Variants in DERL2 observed in about 807,000 individuals in gnomAD.
DERL2 encodes the protein derlin-2.
DERL2 carries 13 observed loss-of-function variants against 32.0 expected under a neutral mutation model. The observed-to-expected ratio is 0.41, with a 90% CI of 0.26 to 0.65. DERL2 has a LOEUF of 0.65. Among genes scored for constraint, DERL2 ranks in the 30% least tolerant of loss-of-function variants. DERL2 has a pLI of 0.35. For synonymous variants in DERL2, 111 were observed against 104.7 expected (o/e 1.06, Z -0.37); for missense variants, 208 against 296.3 (o/e 0.70, Z 2.19).
chr17:5,486,200 A>G (rs547041778), upstream of DERL2: 1,313 of 996,608 alleles, frequency 1.3e-3, 23 homozygotes, highest in South Asian at 0.026. Context: ...CACCCACCCC[A>G]TTTCCCCTTC....
At chr17:5,486,359 C>CA (rs2151714631), upstream of DERL2, 1 of 503,938 alleles carries the variant, frequency 2.0e-6, no homozygotes, top group East Asian at 3.5e-5. Flanking sequence ...CGCCACCGCC[C>CA]CCCCCCAGCG....
rs1567609436 is a variant in DERL2, at chr17:5,474,811, T to C, written c.615-22A>G. ...TTTCCTAAAAGACAAGCAACAGATA[T>C]AATTTGGTCCCAGAGTCATCTCAGG... On this transcript the variant is annotated intron_variant, in intron 6 of 6. Coordinates refer to ENST00000158771, the MANE Select transcript of DERL2 (RefSeq NM_016041.5). This position sits in a 1 kb window ranked among gnomAD's most constrained non-coding sequence, Gnocchi z 4.3. The C allele has an allele frequency of 1.2e-6, 2 of 1,601,342 alleles. No individual in the cohort carries two copies. Among genetic ancestry groups the C allele is most frequent in the Non-Finnish European group, 1.7e-6 (2 of 1,169,588 alleles).
Position 5,471,709 on chromosome 17 carries a change from C to G in DERL2, c.*2975G>C, listed in dbSNP as rs1480805056. ...CATACAAGATTCAACAATTTTATTG[C>G]AAACTCATAAAATATGTTTAAGTAG... On this transcript the variant is annotated 3_prime_UTR_variant, in exon 7 of 7. Coordinates refer to ENST00000158771, the MANE Select transcript of DERL2 (RefSeq NM_016041.5). 1 of 152,172 alleles carries G rather than the reference C, an allele frequency of 6.6e-6. No homozygotes were observed. Among genetic ancestry groups the G allele is most frequent in the African/African-American group, 2.4e-5 (1 of 41,430 alleles). 9.4% of individuals were successfully genotyped at this position (152,172 alleles called of 1,614,324 possible). A position where few individuals can be genotyped will look rare whatever the true frequency, so the allele number is the denominator to read the frequency against.
chr17:5,479,549 A>C (rs1047856204), intron 6 of DERL2, among the ~76,000 whole-genome samples: 3 of 150,332 alleles, frequency 2.0e-5, no homozygotes, highest in African/African-American at 7.3e-5. Context: ...TCAAAGTTCT[A>C]TCTCAGGAAA....
In DERL2 at chr17:5,480,721, C is replaced by CA. The variant is rs1905721117; in HGVS notation, c.328-140dup. 2.8e-5 allele frequency: 20 copies of CA among 713,632 alleles called. No individual in the cohort carries two copies. In the South Asian group the frequency reaches 8.3e-4, roughly 30 times the overall value. 44.2% of individuals were successfully genotyped at this position (713,632 alleles called of 1,614,324 possible). On this transcript the variant is annotated intron_variant, in intron 4 of 6. Coordinates refer to ENST00000158771, the MANE Select transcript of DERL2 (RefSeq NM_016041.5). Reference sequence around the variant, plus strand: ...TACATCTTTAGAATAGAAGGAGAAACACCCAGAAAATAATTACCCAGAGCA... The same window carrying CA: ...TACATCTTTAGAATAGAAGGAGAAACAACCCAGAAAATAATTACCCAGAGCA...
At position 5,481,250 on chromosome 17, in the gene DERL2, C is replaced by T. The variant is rs1229382459; in HGVS notation, c.327+46G>A. 1.5e-6 allele frequency: 2 copies of T among 1,368,974 alleles called. No individual in the cohort carries two copies. The highest frequency in any genetic ancestry group is 2.1e-6 in the Non-Finnish European group (2 of 956,530). The allele number at this position is 1,368,974 out of a possible 1,614,324, so 84.8% of individuals were successfully genotyped here. On this transcript the variant is annotated intron_variant, in intron 4 of 6. Coordinates refer to ENST00000158771, the MANE Select transcript of DERL2 (RefSeq NM_016041.5). The surrounding 1 kb of genome is among the most constrained non-coding windows in gnomAD (Gnocchi z 4.4). ...GACAGATGACAAGCTTTAGGAAGAG[C>T]CAGGGTGTTCTTCAACATTTTCCCG...
At chr17:5,483,030 G>T (rs1446752118) in intron 2 of DERL2, 148 bp from the exon 3 acceptor site, 2 of 433,098 alleles carry the variant, frequency 4.6e-6, no homozygotes, top group South Asian at 4.5e-5. Context: ...CAAAAACGGG[G>T]GCATATAATC....
intron 6 of DERL2, among the ~76,000 whole-genome samples, chr17:5,478,932 A>G (rs1157124747): frequency 6.6e-6 from 1 of 152,036 alleles, no homozygotes; most frequent in Non-Finnish European, 1.5e-5. Context: ...CAATCCTTCC[A>G]CCTCAACCTC....
At position 5,482,902 on chromosome 17, in the gene DERL2, A is replaced by T; in HGVS notation, c.160-20T>A. On this transcript the variant is annotated intron_variant, in intron 2 of 6. Coordinates refer to ENST00000158771, the MANE Select transcript of DERL2 (RefSeq NM_016041.5). ...CCATATCTGTTAAAAAAAAATCAAG[A>T]GAAAGATGTATTAAGTAAAATAAAT... The T allele has an allele frequency of 7.7e-7, 1 of 1,303,702 alleles. No individual in the cohort carries two copies. Among genetic ancestry groups the T allele is most frequent in the South Asian group, 1.3e-5 (1 of 77,336 alleles). 80.8% of individuals were successfully genotyped at this position (1,303,702 alleles called of 1,614,324 possible).
chr17:5,481,146 G>C lies in DERL2; in HGVS notation c.327+150C>G. On this transcript the variant is annotated intron_variant, in intron 4 of 6. Transcript: ENST00000158771. The surrounding 1 kb of genome is among the most constrained non-coding windows in gnomAD (Gnocchi z 4.4). ...ACTTGCTCATCCTGTCCGACTGCTAGGTTTGGAAACTTGTCACAGAAAATG... is the reference window on the plus strand; with the variant it reads ...ACTTGCTCATCCTGTCCGACTGCTACGTTTGGAAACTTGTCACAGAAAATG... 1 of 706,200 alleles carries C rather than the reference G, an allele frequency of 1.4e-6. No individual in the cohort carries two copies. Among genetic ancestry groups the C allele is most frequent in the Non-Finnish European group, 2.5e-6 (1 of 403,480 alleles). 43.7% of individuals were successfully genotyped at this position (706,200 alleles called of 1,614,324 possible).
chr17:5,477,623 A>G (rs933336467), intron 6 of DERL2, among the ~76,000 whole-genome samples: 16 of 152,196 alleles, frequency 1.1e-4, no homozygotes, highest in Non-Finnish European at 2.2e-4. Context: ...GGGAACTATT[A>G]ATTACAGAAT....
At chr17:5,477,195 C>T (rs769896371) in intron 6 of DERL2, among the ~76,000 whole-genome samples, 2 of 152,104 alleles carry the variant, frequency 1.3e-5, no homozygotes, top group African/African-American at 4.8e-5. Flanking sequence ...CCAATAAATA[C>T]AAGAACACAG....
upstream of DERL2, chr17:5,486,183 C>T (rs1198019276): frequency 9.6e-7 from 1 of 1,044,542 alleles, no homozygotes; most frequent in Non-Finnish European, 1.3e-6. Flanking sequence ...TCGCCTGCCC[C>T]ACCCCCCACC....
rs1322077158 is a variant in DERL2 at position 5,486,172 on chromosome 17, G to C, written c.-11C>G. On this transcript the variant is annotated 5_prime_UTR_variant, in exon 1 of 7. Coordinates refer to ENST00000158771, the MANE Select transcript of DERL2 (RefSeq NM_016041.5). ...GCTCTGGTACGCCATCTTCCCCACCGTCGCCTGCCCCACCCCCCACCCACC... is the reference window on the plus strand; with the variant it reads ...GCTCTGGTACGCCATCTTCCCCACCCTCGCCTGCCCCACCCCCCACCCACC... 7.0e-6 allele frequency: 11 copies of C among 1,577,928 alleles called. No individual in the cohort carries two copies. The highest frequency in any genetic ancestry group is 9.5e-6 in the Non-Finnish European group (11 of 1,162,208).
intron 2 of DERL2, among the ~76,000 whole-genome samples, chr17:5,483,641 G>A (rs1905948940): frequency 1.3e-5 from 2 of 152,158 alleles, no homozygotes; most frequent in South Asian, 4.1e-4. Flanking sequence ...ACAGATAGGA[G>A]ACTAAAAGTT....
chr17:5,479,951 C>G, intron 6 of DERL2, 103 bp downstream of exon 6: 1 of 701,366 alleles, frequency 1.4e-6, no homozygotes, highest in Non-Finnish European at 2.5e-6. Context: ...GGTTACTGAC[C>G]TGAGCTATGT....
chr17:5,479,362 C>G (rs1905606999), intron 6 of DERL2, among the ~76,000 whole-genome samples: 1 of 151,976 alleles, frequency 6.6e-6, no homozygotes. Context: ...ATAACAAAAA[C>G]TCACATTTTA....
chr17:5,480,239 G>C, intron 5 of DERL2, 95 bp from the exon 6 acceptor site: 1 of 1,223,124 alleles, frequency 8.2e-7, no homozygotes, highest in Non-Finnish European at 1.2e-6. Context: ...TAGGATGAAT[G>C]TCAACATAAT....
upstream of DERL2, chr17:5,486,453 G>C: frequency 3.3e-6 from 1 of 299,086 alleles, no homozygotes; most frequent in Non-Finnish European, 6.1e-6. Context: ...AATCCCCGCC[G>C]GCCACAGCTA....
Sources: allele counts gnomAD v4.1 joint callset (sites outside exome capture counted in the v4.1 genomes callset), GRCh38; gene constraint gnomAD v4.1.1; non-coding constraint Gnocchi (gnomAD v3.1); transcripts MANE v1.5; gene names NCBI Gene and HGNC (gene_info 2026-07-23, HGNC 2026-07-21).